FAM149A: variants seen among roughly 807,000 people sequenced by gnomAD.
FAM149A encodes family with sequence similarity 149 member A.
FAM149A carries 71 observed loss-of-function variants against 78.2 expected under a neutral mutation model. The observed-to-expected ratio is 0.91, with a 90% CI of 0.75 to 1.11. FAM149A has a LOEUF of 1.11. FAM149A is among the 50% of genes least tolerant of loss of function. FAM149A has a pLI of 0.00. For missense variants in FAM149A, 1,036 were observed against 971.0 expected, an observed-to-expected ratio of 1.07 and a Z score of -0.89; for synonymous variants, 446 against 410.5, an observed-to-expected ratio of 1.09 and a Z score of -1.04.
At chr4:186,162,667 G>A (rs543358611) in intron 8 of FAM149A, among the ~76,000 whole-genome samples, 178 bp from the exon 9 acceptor site, 9 of 152,282 alleles carry the variant, frequency 5.9e-5, no homozygotes, top group African/African-American at 1.4e-4. Flanking sequence ...TAACCAATTC[G>A]TTGTTAATGT....
intron 4 of FAM149A, chr4:186,153,294 T>A: frequency 1.1e-6 from 1 of 943,366 alleles, no homozygotes; most frequent in Non-Finnish European, 1.3e-6. Context: ...TTAGTTAATA[T>A]GTATGGAGGG....
intron 1 of FAM149A, chr4:186,132,147 C>T (rs758678233): frequency 3.0e-6 from 3 of 985,284 alleles, no homozygotes; most frequent in Middle Eastern, 5.2e-4. Flanking sequence ...TACCTTGGTA[C>T]GAGATTTTCC....
rs1462101501 is a variant in FAM149A at position 186,157,706 on chromosome 4, T to C, written c.1562T>C (p.Leu521Pro). 3.1e-6 allele frequency: 5 copies of C among 1,610,726 alleles called. No homozygotes were observed. In the South Asian group the frequency reaches 5.5e-5, roughly 18 times the overall value. ...CACGGCATCTCCCTGGCTTCTCGTC[T>C]GAACCCGCCCCAGGTCGGTGCTTTC... Residue 521 changes from leucine (L) to proline (P), a missense_variant, in exon 8 of 14, where the codon CTG becomes CCG. Leu to Pro is a moderately conservative substitution (Grantham distance 98). Around this residue, in one of 3 missense-constraint regions of FAM149A, gnomAD observed 716 missense variants for 711.8 expected, o/e 1.01. Transcript: ENST00000389354.
intron 1 of FAM149A, chr4:186,146,837 C>T: frequency 1.0e-6 from 1 of 985,398 alleles, no homozygotes; most frequent in African/African-American, 1.7e-5. Context: ...CATAAACATT[C>T]AGAGTAATTC....
intron 1 of FAM149A, among the ~76,000 whole-genome samples, chr4:186,136,567 A>G (rs2099322782): frequency 6.6e-6 from 1 of 152,168 alleles, no homozygotes; most frequent in Admixed American, 6.5e-5. Context: ...ATTTTTCTAT[A>G]ATTTTCTATA....
intron 1 of FAM149A, among the ~76,000 whole-genome samples, chr4:186,110,591 G>A (rs1255466246): frequency 8.3e-6 from 1 of 120,928 alleles, no homozygotes; most frequent in Non-Finnish European, 1.6e-5. Flanking sequence ...TCCCCTTCCT[G>A]TGTCCATGTG....
intron 8 of FAM149A, 81 bp downstream of exon 8, chr4:186,157,800 G>A: frequency 1.3e-6 from 2 of 1,567,256 alleles, no homozygotes; most frequent in Non-Finnish European, 1.7e-6. Flanking sequence ...TTAAACTGCA[G>A]TACTGAGATA....
intron 13 of FAM149A, among the ~76,000 whole-genome samples, chr4:186,170,250 C>T (rs1003393756): frequency 1.1e-4 from 17 of 152,212 alleles, no homozygotes; most frequent in Non-Finnish European, 2.1e-4. Flanking sequence ...GGCCTTGGCA[C>T]GGAAGTCCTA....
rs570542105 is a variant in FAM149A, at chr4:186,160,765, C to A, written c.1576-2080C>A. 9.7e-4 allele frequency: 924 copies of A among 953,822 alleles called. 4 individuals are homozygous for A. The African/African-American group carries it at 0.018, about 19-fold the overall frequency. 59.1% of individuals were successfully genotyped at this position (953,822 alleles called of 1,614,324 possible). A position where few individuals can be genotyped will look rare whatever the true frequency, so the allele number is the denominator to read the frequency against. On this transcript the variant is annotated intron_variant, in intron 8 of 13. Transcript: ENST00000389354. The stretch of plus-strand genomic sequence containing the variant: ...CACACCACACCACACCACACACACA[C>A]CACATCACACCACACCACACACACA...
chr4:186,144,790 C>A lies in FAM149A; in HGVS notation c.567-4383C>A, dbSNP rs1732860973. 1.0e-6 allele frequency: 1 copy of A among 978,558 alleles called. No individual in the cohort carries two copies. The highest frequency in any genetic ancestry group is 1.2e-6 in the Non-Finnish European group (1 of 824,410). 60.6% of individuals were successfully genotyped at this position (978,558 alleles called of 1,614,324 possible). A position where few individuals can be genotyped will look rare whatever the true frequency, so the allele number is the denominator to read the frequency against. ...GGCGCAGCCGGGATTAGCTGGCGGG[C>A]GAGGGCGCAGCGCAGGGAGGAGGAG... On this transcript the variant is annotated intron_variant, in intron 1 of 13. Coordinates refer to ENST00000389354, the MANE Select transcript of FAM149A (RefSeq NM_001367768.3). The surrounding 1 kb of genome is among the most constrained non-coding windows in gnomAD (Gnocchi z 4.2).
intron 1 of FAM149A, among the ~76,000 whole-genome samples, chr4:186,128,670 TCA>T (rs2099319371): frequency 1.3e-5 from 2 of 152,216 alleles, no homozygotes; most frequent in African/African-American, 4.8e-5. Context: ...CATATTAAAT[TCA>T]GTTTATTTAG....
At chr4:186,155,079 C>G (rs1733941035) in intron 6 of FAM149A, 1 of 290,250 alleles carries the variant, frequency 3.4e-6, no homozygotes, top group South Asian at 1.3e-4. Context: ...TCTCCTCCCT[C>G]AGCCTCCCGA....
At chr4:186,117,872 C>T (rs866112561) in intron 1 of FAM149A, 1 of 975,858 alleles carries the variant, frequency 1.0e-6, no homozygotes, top group Non-Finnish European at 1.2e-6. Flanking sequence ...TGACAAATCT[C>T]CCAAGACCGG....
chr4:186,157,569 G>GA lies in FAM149A; in HGVS notation c.1431dup (p.Gln478ThrfsTer58), dbSNP rs1734147068. On this transcript the variant is annotated frameshift_variant, in exon 8 of 14. Transcript: ENST00000389354. LOFTEE classifies it high-confidence loss of function. Reference sequence around the variant, plus strand: ...TTGATTCTTCTGTTGACACAGAAGGGAAAAAACAGAGAGAAACATTGAAAG... The same window carrying GA: ...TTGATTCTTCTGTTGACACAGAAGGGAAAAAAACAGAGAGAAACATTGAAAG... 6.2e-7 allele frequency: 1 copy of GA among 1,613,798 alleles called. No homozygotes were observed. Among genetic ancestry groups the GA allele is most frequent in the East Asian group, 2.2e-5 (1 of 44,900 alleles).
intron 3 of FAM149A, 67 bp downstream of exon 3, chr4:186,149,771 T>C (rs1350721738): frequency 9.0e-7 from 1 of 1,106,352 alleles, no homozygotes; most frequent in African/African-American, 1.6e-5. Context: ...CTTCCTTATA[T>C]TCAAAATTAT....
rs115129381 is a variant in FAM149A at position 186,163,611 on chromosome 4, G to A, written c.1867G>A (p.Glu623Lys). The A allele has an allele frequency of 1.5e-3, 2,481 of 1,613,856 alleles. 39 individuals carry two copies. The African/African-American group carries it at 0.03, about 19-fold the overall frequency. The stretch of plus-strand genomic sequence containing the variant: ...AAAAACTCCCAACATCTATAGTGAC[G>A]AAGTTCTTCGGGGAACAAAACTGTG... The change falls in exon 10 of 14, where the codon GAA (glutamate) becomes AAA (lysine). Residue 623 changes from glutamate (E) to lysine (K), a missense_variant. Glu to Lys is a moderately conservative substitution (Grantham distance 56). Around this residue, in one of 3 missense-constraint regions of FAM149A, gnomAD observed 716 missense variants for 711.8 expected, o/e 1.01. Transcript: ENST00000389354.
intron 1 of FAM149A, chr4:186,125,133 TG>T: frequency 3.0e-6 from 1 of 337,662 alleles, no homozygotes; most frequent in Non-Finnish European, 4.2e-6. Flanking sequence ...GAACACAGTG[TG>T]GTCATGTGTC....
At chr4:186,168,128 C>A (rs551295772) in intron 13 of FAM149A, among the ~76,000 whole-genome samples, 1 of 152,290 alleles carries the variant, frequency 6.6e-6, no homozygotes, top group South Asian at 2.1e-4. Flanking sequence ...ACAGATCTGT[C>A]GCTGTCCACA....
chr4:186,142,692 A>C (rs1000009613), intron 1 of FAM149A, among the ~76,000 whole-genome samples: 3 of 152,152 alleles, frequency 2.0e-5, no homozygotes, highest in Non-Finnish European at 4.4e-5. Context: ...GCATGAGAGA[A>C]GGCTCAACTG....
Sources: gnomAD v4.1 joint callset for allele counts (sites outside exome capture counted in the v4.1 genomes callset) on GRCh38, gnomAD v4.1.1 for gene constraint, gnomAD v4.1.1 regional missense constraint, Gnocchi (gnomAD v3.1) non-coding constraint, MANE v1.5 for transcripts, NCBI Gene and HGNC (gene_info 2026-07-23, HGNC 2026-07-21) for gene names.